Variants in FSHR observed in about 807,000 individuals in gnomAD.
FSHR encodes the protein follicle stimulating hormone receptor, also known as follicle-stimulating hormone receptor.
Under a neutral mutation model 52.1 loss-of-function variants are expected in FSHR, and 46 were observed. That is an observed-to-expected ratio of 0.88 (90% CI 0.70 to 1.13). FSHR has a LOEUF of 1.13. FSHR is among the 50% of genes most tolerant of loss of function. The pLI is 0.00. For synonymous variants in FSHR, 399 were observed against 309.6 expected, an observed-to-expected ratio of 1.29 and a Z score of -3.03; for missense variants, 964 against 834.6, an observed-to-expected ratio of 1.16 and a Z score of -1.91.
intron 2 of FSHR, among the ~76,000 whole-genome samples, chr2:49,025,274 A>C (rs969584374): frequency 9.2e-5 from 14 of 152,174 alleles, no homozygotes; most frequent in African/African-American, 2.9e-4. Context: ...CACTGGGATC[A>C]GTGCTGGGAA....
intron 8 of FSHR, among the ~76,000 whole-genome samples, chr2:48,973,755 A>G (rs1674852740): frequency 6.6e-6 from 1 of 152,218 alleles, no homozygotes; most frequent in South Asian, 2.1e-4. Context: ...TATACTGGGG[A>G]GTGACATTGG....
intron 1 of FSHR, among the ~76,000 whole-genome samples, chr2:49,150,343 T>C (rs1239370053): frequency 2.6e-5 from 4 of 152,124 alleles, no homozygotes; most frequent in African/African-American, 7.2e-5. Context: ...CTCAGAGTTA[T>C]AAAGATCTTT....
chr2:49,066,458 A>G (rs918192701), intron 2 of FSHR, among the ~76,000 whole-genome samples: 6 of 152,096 alleles, frequency 3.9e-5, no homozygotes, highest in African/African-American at 1.4e-4. Flanking sequence ...GAGACTGAGG[A>G]ATACGCAAGT....
intron 1 of FSHR, among the ~76,000 whole-genome samples, chr2:49,145,782 C>A (rs1480837375): frequency 6.6e-6 from 1 of 151,954 alleles, no homozygotes; most frequent in Non-Finnish European, 1.5e-5. Flanking sequence ...TAATATAGAA[C>A]CTTGAACATA....
intron 9 of FSHR, among the ~76,000 whole-genome samples, chr2:48,965,387 A>T (rs1674427619): frequency 6.6e-6 from 1 of 152,124 alleles, no homozygotes; most frequent in African/African-American, 2.4e-5. Context: ...TTGTTTTTTT[A>T]AGGCTAAATG....
At chr2:48,985,103 C>T (rs1056262812) in intron 6 of FSHR, among the ~76,000 whole-genome samples, 9 of 75,186 alleles carry the variant, frequency 1.2e-4, no homozygotes, top group African/African-American at 3.5e-4. Flanking sequence ...ATTTGAAAAC[C>T]AGATGATGAC....
intron 1 of FSHR, among the ~76,000 whole-genome samples, chr2:49,109,440 A>T (rs146246098): frequency 6.6e-6 from 1 of 152,332 alleles, no homozygotes; most frequent in East Asian, 1.9e-4. Context: ...TCTTTCATAC[A>T]GATAATTCTG....
chr2:48,969,749 A>G (rs1674653471), intron 8 of FSHR, among the ~76,000 whole-genome samples: 1 of 152,190 alleles, frequency 6.6e-6, no homozygotes, highest in Non-Finnish European at 1.5e-5. Context: ...AGCACAAATG[A>G]CCAGTTTAAC....
At position 48,995,867 on chromosome 2, in the gene FSHR, C is replaced by T. The variant is rs79917868; in HGVS notation, c.375-5230G>A. Among the ~76,000 whole-genome samples, 1,146 of 152,180 alleles carry T rather than the reference C, an allele frequency of 7.5e-3. 6 individuals carry two copies. Among genetic ancestry groups the T allele is most frequent in the Non-Finnish European group, 0.012 (806 of 67,998 alleles). On this transcript the variant is annotated intron_variant, in intron 4 of 9. Transcript: ENST00000406846. Reference sequence around the variant, plus strand: ...AAAACATTTTTTTTTACCTCTGTTCCACACCAAATCTACCATGGCATGGAA... The same window carrying T: ...AAAACATTTTTTTTTACCTCTGTTCTACACCAAATCTACCATGGCATGGAA...
At chr2:49,149,211 A>G (rs115144833) in intron 1 of FSHR, among the ~76,000 whole-genome samples, 1,771 of 152,094 alleles carry the variant, frequency 0.012, 38 homozygotes, top group African/African-American at 0.04. Context: ...AATGGTTTTT[A>G]TAGTTTTGTA....
At chr2:49,143,948 G>C (rs905004487) in intron 1 of FSHR, among the ~76,000 whole-genome samples, 2 of 152,142 alleles carry the variant, frequency 1.3e-5, no homozygotes, top group African/African-American at 4.8e-5. Context: ...TTGGTGGAAA[G>C]TATATTTAAA....
chr2:49,057,187 T>A (rs899110814), intron 2 of FSHR, among the ~76,000 whole-genome samples: 6 of 151,674 alleles, frequency 4.0e-5, no homozygotes, highest in Non-Finnish European at 7.4e-5. Context: ...TAAATGAAAT[T>A]AACACTAAAA....
At chr2:48,975,929 G>A (rs747320207) in intron 8 of FSHR, among the ~76,000 whole-genome samples, 5 of 152,110 alleles carry the variant, frequency 3.3e-5, no homozygotes, top group African/African-American at 4.8e-5. Flanking sequence ...CATGTCATCC[G>A]CAAACGGACA....
At chr2:49,088,630 C>T (rs1444535229) in intron 1 of FSHR, among the ~76,000 whole-genome samples, 1 of 152,102 alleles carries the variant, frequency 6.6e-6, no homozygotes, top group African/African-American at 2.4e-5. Flanking sequence ...AGTTAATATC[C>T]ACCTGATTTA....
intron 1 of FSHR, among the ~76,000 whole-genome samples, chr2:49,090,536 G>A (rs936230052): frequency 2.6e-5 from 4 of 152,202 alleles, no homozygotes; most frequent in African/African-American, 7.2e-5. Context: ...CCTTTGGGTT[G>A]TTCTTGTTTG....
At chr2:49,012,885 C>A (rs1667322434) in intron 4 of FSHR, among the ~76,000 whole-genome samples, 1 of 152,132 alleles carries the variant, frequency 6.6e-6, no homozygotes, top group Non-Finnish European at 1.5e-5. Flanking sequence ...ATGGACTGAA[C>A]TGTGTCCTCT....
At chr2:49,017,128 T>G (rs140574725) in intron 4 of FSHR, among the ~76,000 whole-genome samples, 2,165 of 152,290 alleles carry the variant, frequency 0.014, 40 homozygotes, top group Middle Eastern at 0.048. Context: ...ATATGCAGAA[T>G]AAGAGAGACA....
chr2:49,061,484 G>A (rs1486287693), intron 2 of FSHR, among the ~76,000 whole-genome samples: 1 of 148,324 alleles, frequency 6.7e-6, no homozygotes, highest in African/African-American at 2.5e-5. Flanking sequence ...TAATGATAAA[G>A]GGATCAATTC....
At chr2:49,067,176 G>A (rs570412054) in intron 2 of FSHR, among the ~76,000 whole-genome samples, 1 of 152,208 alleles carries the variant, frequency 6.6e-6, no homozygotes, top group African/African-American at 2.4e-5. Context: ...CTTTAATCGA[G>A]GTTATGCAGT....
Sources: allele counts gnomAD v4.1 joint callset (sites outside exome capture counted in the v4.1 genomes callset), GRCh38; gene constraint gnomAD v4.1.1; transcripts MANE v1.5; gene names NCBI Gene and HGNC (gene_info 2026-07-23, HGNC 2026-07-21).